Variants in MACROD2 observed in about 807,000 individuals in gnomAD.
MACROD2 encodes the protein mono-ADP ribosylhydrolase 2.
Under a neutral mutation model 70.4 loss-of-function variants are expected in MACROD2, and 36 were observed. The observed-to-expected ratio is 0.51, with a 90% confidence interval of 0.39 to 0.68. MACROD2 has a LOEUF of 0.68. MACROD2 is among the 30% of genes least tolerant of loss of function. The pLI, the probability that MACROD2 is intolerant of heterozygous loss-of-function variation, is 0.00. For missense variants in MACROD2, 496 were observed against 538.4 expected (o/e 0.92, Z 0.78); for synonymous variants, 172 against 178.8 (o/e 0.96, Z 0.30).
intron 3 of MACROD2, among the ~76,000 whole-genome samples, chr20:14,159,654 T>C (rs1473316837): frequency 1.3e-5 from 2 of 152,178 alleles, no homozygotes; most frequent in African/African-American, 4.8e-5. Context: ...AGATATAAGA[T>C]TATATCATAG....
At chr20:14,689,260 A>G (rs1459075353) in intron 5 of MACROD2, among the ~76,000 whole-genome samples, 3 of 152,214 alleles carry the variant, frequency 2.0e-5, no homozygotes, top group Non-Finnish European at 4.4e-5. Context: ...TAAATTTGTA[A>G]TTGCTTACTT....
At chr20:15,523,566 G>A (rs1437604407) in intron 8 of MACROD2, among the ~76,000 whole-genome samples, 1 of 152,120 alleles carries the variant, frequency 6.6e-6, no homozygotes, top group East Asian at 1.9e-4. Context: ...ATGTGTGTCT[G>A]TGTTACTCCA....
chr20:15,859,357 C>A (rs1184644845), intron 8 of MACROD2, among the ~76,000 whole-genome samples: 1 of 152,052 alleles, frequency 6.6e-6, no homozygotes, highest in Admixed American at 6.5e-5. Context: ...GCAGCTCAAA[C>A]CTGTGTTGCT....
intron 8 of MACROD2, among the ~76,000 whole-genome samples, chr20:15,847,696 T>G (rs1446317375): frequency 6.6e-6 from 1 of 152,246 alleles, no homozygotes; most frequent in Non-Finnish European, 1.5e-5. Context: ...AAAGCCATCA[T>G]TCTATTACCC....
intron 8 of MACROD2, among the ~76,000 whole-genome samples, chr20:15,661,174 T>A (rs1049177054): frequency 6.6e-5 from 10 of 152,070 alleles, no homozygotes; most frequent in Non-Finnish European, 8.8e-5. Context: ...CATTAGGGGG[T>A]AAGGCAACTA....
chr20:14,596,540 A>G (rs1982158432), intron 4 of MACROD2, among the ~76,000 whole-genome samples: 1 of 151,660 alleles, frequency 6.6e-6, no homozygotes, highest in African/African-American at 2.4e-5. Context: ...ATTTATTATT[A>G]TGGCCTTTTT....
chr20:15,982,074 G>A (rs1385721929), intron 13 of MACROD2, among the ~76,000 whole-genome samples: 1 of 151,844 alleles, frequency 6.6e-6, no homozygotes, highest in East Asian at 1.9e-4. Context: ...AAATTTTAAG[G>A]TTACATTTTT....
intron 4 of MACROD2, among the ~76,000 whole-genome samples, chr20:14,569,084 A>C (rs1478447214): frequency 6.6e-6 from 1 of 152,060 alleles, no homozygotes; most frequent in Non-Finnish European, 1.5e-5. Flanking sequence ...ATTCTCACTC[A>C]GCCATGATTC....
chr20:15,496,941 T>C (rs1362373494), intron 7 of MACROD2, among the ~76,000 whole-genome samples: 1 of 152,008 alleles, frequency 6.6e-6, no homozygotes, highest in Non-Finnish European at 1.5e-5. Context: ...TCAACTACAG[T>C]TGTCTGGGTG....
intron 6 of MACROD2, among the ~76,000 whole-genome samples, chr20:15,368,997 T>C (rs909150276): frequency 5.3e-5 from 8 of 152,324 alleles, no homozygotes; most frequent in African/African-American, 1.9e-4. Flanking sequence ...CATGCATATC[T>C]TAGTATATGT....
intron 6 of MACROD2, among the ~76,000 whole-genome samples, chr20:15,298,862 G>A (rs1020743821): frequency 6.6e-6 from 1 of 152,094 alleles, no homozygotes; most frequent in African/African-American, 2.4e-5. Flanking sequence ...ATCTCTCAAT[G>A]TATTATTATC....
At position 15,132,330 on chromosome 20, in the gene MACROD2, T is replaced by A. The variant is rs555508502; in HGVS notation, c.419-97610T>A. On this transcript the variant is annotated intron_variant, in intron 5 of 17. Transcript: ENST00000684519. ...ATTAAAAGATTACGTAGAAAAAAAATTAGTTGCAATTTAAAGGGTCTGAAT... is the reference window on the plus strand; with the variant it reads ...ATTAAAAGATTACGTAGAAAAAAAAATAGTTGCAATTTAAAGGGTCTGAAT... Among the ~76,000 whole-genome samples the A allele has an allele frequency of 2.6e-5, 4 of 151,986 alleles. No individual in the cohort carries two copies. In the South Asian group the frequency reaches 6.2e-4, roughly 24 times the overall value.
At chr20:14,596,423 A>ATATGTT (rs1170521974) in intron 4 of MACROD2, among the ~76,000 whole-genome samples, 4 of 148,902 alleles carry the variant, frequency 2.7e-5, no homozygotes, top group Non-Finnish European at 4.5e-5. Context: ...ATATATATAT[A>ATATGTT]TATATATATA....
intron 3 of MACROD2, among the ~76,000 whole-genome samples, chr20:14,290,458 C>T (rs548923898): frequency 7.9e-5 from 12 of 151,844 alleles, no homozygotes; most frequent in South Asian, 2.1e-4. Flanking sequence ...CCACAGCCAA[C>T]CTCAGATCAA....
At chr20:14,941,129 G>A (rs1379858265) in intron 5 of MACROD2, among the ~76,000 whole-genome samples, 1 of 152,080 alleles carries the variant, frequency 6.6e-6, no homozygotes, top group Non-Finnish European at 1.5e-5. Flanking sequence ...TAGATTGTAT[G>A]TGTCTAGGGA....
chr20:15,694,261 T>C (rs2050336580), intron 8 of MACROD2, among the ~76,000 whole-genome samples: 1 of 152,198 alleles, frequency 6.6e-6, no homozygotes, highest in Non-Finnish European at 1.5e-5. Context: ...AAATGGTAGT[T>C]CTACTTTTAG....
chr20:14,302,968 G>A (rs1281628156), intron 3 of MACROD2, among the ~76,000 whole-genome samples: 2 of 152,004 alleles, frequency 1.3e-5, no homozygotes, highest in Admixed American at 1.3e-4. Context: ...TATTTTTAAA[G>A]TGGTGAAAGT....
chr20:15,370,226 A>C (rs1036344827), intron 6 of MACROD2, among the ~76,000 whole-genome samples: 2 of 152,090 alleles, frequency 1.3e-5, no homozygotes, highest in African/African-American at 4.8e-5. Context: ...TTCATCCTTC[A>C]CTAGTGAGTT....
intron 5 of MACROD2, among the ~76,000 whole-genome samples, chr20:14,791,198 G>C (rs532354743): frequency 5.3e-5 from 8 of 152,138 alleles, no homozygotes; most frequent in Non-Finnish European, 7.4e-5. Context: ...AGTAATTTTT[G>C]TTTAAATATA....
Sources: gnomAD v4.1 joint callset for allele counts (sites outside exome capture counted in the v4.1 genomes callset) on GRCh38, gnomAD v4.1.1 for gene constraint, MANE v1.5 for transcripts, NCBI Gene and HGNC (gene_info 2026-07-23, HGNC 2026-07-21) for gene names.